Variants in CD1B observed in about 807,000 individuals in gnomAD.
CD1B encodes T-cell surface glycoprotein CD1b.
CD1B carries 43 observed loss-of-function variants against 39.8 expected under a neutral mutation model. The ratio of observed to expected loss-of-function variants is 1.08; its 90% CI spans 0.85 to 1.39. The LOEUF (loss-of-function observed/expected upper bound fraction) is 1.39. Among genes scored for constraint, CD1B ranks in the 40% most tolerant of loss-of-function variants. CD1B has a pLI of 0.00. For missense variants in CD1B, 495 were observed against 403.8 expected (o/e 1.23, Z -1.94); for synonymous variants, 192 against 152.5 (o/e 1.26, Z -1.91).
At chr1:158,297,701 G>C in the CD1B span, among the ~76,000 whole-genome samples, 1 of 152,098 alleles carries the variant, frequency 6.6e-6, no homozygotes, top group Admixed American at 6.6e-5. Flanking sequence ...TTGAGGCTAA[G>C]GCAGGCCGAT....
At chr1:158,331,263 C>A (rs1238596057) in intron 1 of CD1B, 100 bp downstream of exon 1, 2 of 1,225,602 alleles carry the variant, frequency 1.6e-6, no homozygotes, top group Non-Finnish European at 2.4e-6. Flanking sequence ...GACAGAAAGA[C>A]CCAGACCCTT....
downstream of CD1B, among the ~76,000 whole-genome samples, chr1:158,324,133 T>A (rs1179524620): frequency 6.6e-6 from 1 of 152,230 alleles, no homozygotes; most frequent in Non-Finnish European, 1.5e-5. Context: ...TTAGTGTGCA[T>A]GATTCCTCCT....
At chr1:158,285,525 G>A in the CD1B span, among the ~76,000 whole-genome samples, 1 of 152,168 alleles carries the variant, frequency 6.6e-6, no homozygotes, top group Non-Finnish European at 1.5e-5. Context: ...CAAAGGATAA[G>A]TAGAAAGCAA....
At chr1:158,312,136 C>T in the CD1B span, among the ~76,000 whole-genome samples, 5 of 152,034 alleles carry the variant, frequency 3.3e-5, no homozygotes, top group African/African-American at 4.8e-5. Context: ...ACATAAAATA[C>T]GATATGATTT....
At chr1:158,316,084 G>C in the CD1B span, among the ~76,000 whole-genome samples, 1 of 152,068 alleles carries the variant, frequency 6.6e-6, no homozygotes, top group Admixed American at 6.5e-5. Flanking sequence ...TTTGAAGTCA[G>C]GTAGTGTGAT....
chr1:158,290,155 A>G, the CD1B span: 1 of 1,602,240 alleles, frequency 6.2e-7, no homozygotes, highest in South Asian at 1.1e-5. Context: ...CTGCAAGGTT[A>G]CATGTATCTG....
chr1:158,329,226 C>A (rs1652480151), intron 4 of CD1B, 144 bp downstream of exon 4: 1 of 1,127,730 alleles, frequency 8.9e-7, no homozygotes, highest in Non-Finnish European at 1.3e-6. Context: ...TCTATTTTTA[C>A]TCCTGTTGGG....
chr1:158,295,575 C>T, the CD1B span, among the ~76,000 whole-genome samples: 8 of 152,076 alleles, frequency 5.3e-5, no homozygotes, highest in African/African-American at 1.9e-4. Context: ...GTCCATTACC[C>T]GAGGATTGGC....
the CD1B span, among the ~76,000 whole-genome samples, chr1:158,298,065 C>T: frequency 6.6e-6 from 1 of 151,732 alleles, no homozygotes; most frequent in African/African-American, 2.4e-5. Flanking sequence ...GTCAAGCATA[C>T]AGGAAAGAAA....
At chr1:158,287,116 A>G in the CD1B span, among the ~76,000 whole-genome samples, 1 of 152,220 alleles carries the variant, frequency 6.6e-6, no homozygotes, top group Non-Finnish European at 1.5e-5. Flanking sequence ...ACACAAGGCA[A>G]TCAGCTGGGT....
At chr1:158,295,395 T>C in the CD1B span, among the ~76,000 whole-genome samples, 1 of 152,048 alleles carries the variant, frequency 6.6e-6, no homozygotes, top group Non-Finnish European at 1.5e-5. Flanking sequence ...AGTGGCCCAC[T>C]CTATCCATGA....
chr1:158,286,899 T>A, the CD1B span, among the ~76,000 whole-genome samples: 1 of 152,072 alleles, frequency 6.6e-6, no homozygotes, highest in African/African-American at 2.4e-5. Context: ...ATCTCACTGA[T>A]AAATTCAGGA....
At chr1:158,315,253 A>G in the CD1B span, among the ~76,000 whole-genome samples, 1 of 152,160 alleles carries the variant, frequency 6.6e-6, no homozygotes, top group Non-Finnish European at 1.5e-5. Flanking sequence ...CAATGGCTGA[A>G]CTAGTTTACA....
At chr1:158,290,238 T>G in the CD1B span, 1 of 903,082 alleles carries the variant, frequency 1.1e-6, no homozygotes, top group African/African-American at 1.6e-5. Flanking sequence ...AGCATACCTG[T>G]CTCCAGGTCC....
the CD1B span, chr1:158,291,534 G>C: frequency 1.1e-6 from 1 of 874,240 alleles, no homozygotes; most frequent in Non-Finnish European, 1.7e-6. Flanking sequence ...CCTTTTAAGG[G>C]ATATTCCTGA....
At chr1:158,300,628 G>T in the CD1B span, among the ~76,000 whole-genome samples, 1 of 152,142 alleles carries the variant, frequency 6.6e-6, no homozygotes. Context: ...TCTCTTCGTA[G>T]GTCTGTAAGG....
At chr1:158,315,105 C>G in the CD1B span, among the ~76,000 whole-genome samples, 5 of 150,934 alleles carry the variant, frequency 3.3e-5, no homozygotes, top group Admixed American at 2.0e-4. Flanking sequence ...TGAATAATGC[C>G]GCAATAAACA....
chr1:158,328,248 C>G lies in CD1B; in HGVS notation c.990G>C (p.Gln330His), dbSNP rs778774760. Residue 330 changes from glutamine (Q) to histidine (H), a missense_variant, in exon 6 of 6, where the codon CAG becomes CAC. Physicochemically the swap from Gln to His is conservative, Grantham distance 24 (BLOSUM62 0). Coordinates refer to ENST00000368168, the MANE Select transcript of CD1B (RefSeq NM_001764.3). Reference protein sequence around the residue: ...ALWYMRRRSYQNIP With the variant: ...ALWYMRRRSYHNIP ...ACATGATGATGGCTCATGGGATATTCTGATATGACCTGTTAAAAACAGAAG... is the reference window on the plus strand; with the variant it reads ...ACATGATGATGGCTCATGGGATATTGTGATATGACCTGTTAAAAACAGAAG... 3.1e-6 allele frequency: 5 copies of G among 1,611,556 alleles called. No homozygotes were observed. The highest frequency in any genetic ancestry group is 1.3e-5 in the African/African-American group (1 of 74,822).
At chr1:158,300,577 G>A in the CD1B span, among the ~76,000 whole-genome samples, 1 of 152,072 alleles carries the variant, frequency 6.6e-6, no homozygotes, top group African/African-American at 2.4e-5. Flanking sequence ...ATTGACAATG[G>A]AATGTTAAAG....
Sources: gnomAD v4.1 joint callset for allele counts (sites outside exome capture counted in the v4.1 genomes callset) on GRCh38, gnomAD v4.1.1 for gene constraint, MANE v1.5 for transcripts, NCBI Gene and HGNC (gene_info 2026-07-23, HGNC 2026-07-21) for gene names.